Variants in THRAP3 observed in about 807,000 individuals in gnomAD.
THRAP3 encodes the protein thyroid hormone receptor-associated protein 3.
In THRAP3, 16 loss-of-function variants were observed where a neutral mutation model predicts 101.0. That is an observed-to-expected ratio of 0.16 (90% CI 0.11 to 0.24). THRAP3 has a LOEUF of 0.24. THRAP3 is among the 10% of genes least tolerant of loss of function. The pLI, the probability that THRAP3 is intolerant of heterozygous loss-of-function variation, is 1.00. For missense variants in THRAP3, 989 were observed against 1,202.7 expected, an observed-to-expected ratio of 0.82 and a Z score of 2.63; for synonymous variants, 407 against 422.6, an observed-to-expected ratio of 0.96 and a Z score of 0.45.
chr1:36,303,460 A>G (rs1416601342), intron 11 of THRAP3, among the ~76,000 whole-genome samples: 1 of 152,162 alleles, frequency 6.6e-6, no homozygotes, highest in African/African-American at 2.4e-5. Context: ...ATTAAATGAG[A>G]TAGTACATAA....
At chr1:36,275,519 G>A (rs1219260688) in intron 2 of THRAP3, among the ~76,000 whole-genome samples, 6 of 149,998 alleles carry the variant, frequency 4.0e-5, no homozygotes, top group South Asian at 2.1e-4. Flanking sequence ...CCCAGGAGGC[G>A]GAGCTTGCAG....
chr1:36,289,433 G>A lies in THRAP3; in HGVS notation c.1414G>A (p.Glu472Lys), dbSNP rs1645837025. ...NQEEEKSGKWEGLVYAPPGKE... is the reference protein window; with the variant it reads ...NQEEEKSGKWKGLVYAPPGKE... The stretch of plus-strand genomic sequence containing the variant: ...GGAGGAGGAGAAGTCAGGCAAATGG[G>A]AGGGCCTGGTATATGCACCTCCAGG... Residue 472 changes from glutamate to lysine, a missense_variant, in exon 5 of 12, where the codon GAG (glutamate) becomes AAG (lysine). Glu to Lys is a moderately conservative substitution (Grantham distance 56). Transcript: ENST00000354618. 4 of 1,614,202 alleles carry A rather than the reference G, an allele frequency of 2.5e-6. No individual in the cohort carries two copies. Among genetic ancestry groups the A allele is most frequent in the Non-Finnish European group, 3.4e-6 (4 of 1,180,046 alleles).
intron 2 of THRAP3, among the ~76,000 whole-genome samples, chr1:36,269,048 A>G (rs1645554982): frequency 6.9e-6 from 1 of 144,424 alleles, no homozygotes; most frequent in African/African-American, 2.5e-5. Context: ...TAATCTGGAG[A>G]AAACAATACA....
chr1:36,268,988 A>C (rs904107773), intron 2 of THRAP3, among the ~76,000 whole-genome samples: 1 of 152,292 alleles, frequency 6.6e-6, no homozygotes, highest in African/African-American at 2.4e-5. Context: ...GGCCTCTGAA[A>C]GTGCTGGGAT....
intron 6 of THRAP3, among the ~76,000 whole-genome samples, chr1:36,292,156 T>G (rs1645878203): frequency 6.6e-6 from 1 of 151,854 alleles, no homozygotes; most frequent in South Asian, 2.1e-4. Flanking sequence ...CTCAGTATGT[T>G]TGTTGTGTGG....
At chr1:36,263,288 T>C (rs1470033781) in intron 2 of THRAP3, among the ~76,000 whole-genome samples, 1 of 152,040 alleles carries the variant, frequency 6.6e-6, no homozygotes, top group African/African-American at 2.4e-5. Context: ...CTTGTAGAGA[T>C]GAGGTCTTAC....
intron 9 of THRAP3, among the ~76,000 whole-genome samples, chr1:36,297,984 A>G (rs1193546748): frequency 1.7e-5 from 2 of 117,174 alleles, no homozygotes; most frequent in Non-Finnish European, 4.1e-5. Flanking sequence ...GTCTCTACTG[A>G]AAAAAAAAAA....
intron 8 of THRAP3, 48 bp downstream of exon 8, chr1:36,293,983 G>A: frequency 6.9e-6 from 11 of 1,586,502 alleles, no homozygotes; most frequent in Non-Finnish European, 9.5e-6. Context: ...AGTGCGTTGG[G>A]CATGAACTTG....
At chr1:36,268,745 G>A (rs867910364) in intron 2 of THRAP3, among the ~76,000 whole-genome samples, 1 of 148,184 alleles carries the variant, frequency 6.7e-6, no homozygotes, top group Non-Finnish European at 1.5e-5. Context: ...TTTTTGAGAC[G>A]GAGTCTCGCT....
At chr1:36,293,768 A>G (rs1401333793) in intron 7 of THRAP3, 83 bp from the exon 8 acceptor site, 16 of 1,204,224 alleles carry the variant, frequency 1.3e-5, no homozygotes, top group South Asian at 6.5e-5. Flanking sequence ...CTGTGAATCT[A>G]TTAGCCAACT....
intron 1 of THRAP3, among the ~76,000 whole-genome samples, chr1:36,243,475 G>A (rs572798218): frequency 1.3e-5 from 2 of 152,214 alleles, no homozygotes; most frequent in East Asian, 3.9e-4. Flanking sequence ...TCAACCCTGA[G>A]TGGATACAGC....
At chr1:36,296,821 C>T in intron 9 of THRAP3, 51 bp downstream of exon 9, 1 of 1,456,712 alleles carries the variant, frequency 6.9e-7, no homozygotes. Context: ...CTTGTCTGTC[C>T]CCTTTGGGCT....
At chr1:36,223,105 C>T (rs990025450), upstream of THRAP3, among the ~76,000 whole-genome samples, 8 of 151,296 alleles carry the variant, frequency 5.3e-5, no homozygotes, top group African/African-American at 1.7e-4. Flanking sequence ...CCAGCCTGGG[C>T]GACATAGGGA....
At chr1:36,223,813 C>T (rs1214281644), upstream of THRAP3, among the ~76,000 whole-genome samples, 1 of 151,952 alleles carries the variant, frequency 6.6e-6, no homozygotes, top group African/African-American at 2.4e-5. Context: ...TCTGGGTCTC[C>T]GAATGAGGTC....
intron 2 of THRAP3, among the ~76,000 whole-genome samples, chr1:36,280,646 G>C (rs1370969833): frequency 3.9e-5 from 6 of 152,160 alleles, no homozygotes; most frequent in African/African-American, 1.4e-4. Flanking sequence ...CCTGGAGTTT[G>C]GGCCTGGTTT....
At chr1:36,280,482 G>C (rs986247521) in intron 2 of THRAP3, among the ~76,000 whole-genome samples, 1 of 152,226 alleles carries the variant, frequency 6.6e-6, no homozygotes, top group Non-Finnish European at 1.5e-5. Flanking sequence ...TGGGTGGTCA[G>C]GGTGAACCTC....
At chr1:36,251,388 G>C (rs1183085316) in intron 1 of THRAP3, among the ~76,000 whole-genome samples, 2 of 152,188 alleles carry the variant, frequency 1.3e-5, no homozygotes, top group African/African-American at 4.8e-5. Flanking sequence ...GAGAGCATGA[G>C]TTTAAAAACC....
At chr1:36,282,395 AATTT>A in intron 2 of THRAP3, 134 bp from the exon 3 acceptor site, 2 of 598,392 alleles carry the variant, frequency 3.3e-6, no homozygotes, top group African/African-American at 2.0e-5. Flanking sequence ...ATTAAAAAAA[AATTT>A]TTTTTTTTTT....
chr1:36,256,198 ATTATTATTATTG>A (rs965254320), intron 1 of THRAP3, among the ~76,000 whole-genome samples: 2 of 117,506 alleles, frequency 1.7e-5, no homozygotes, highest in Admixed American at 8.8e-5. Flanking sequence ...GATTATTATT[ATTATTATTATTG>A]TTATTATTGT....
Sources: gnomAD v4.1 joint callset for allele counts (sites outside exome capture counted in the v4.1 genomes callset) on GRCh38, gnomAD v4.1.1 for gene constraint, MANE v1.5 for transcripts, NCBI Gene and HGNC (gene_info 2026-07-23, HGNC 2026-07-21) for gene names.